Variants in SP3 observed in about 807,000 individuals in gnomAD.
SP3 encodes Sp3 transcription factor, also known as transcription factor Sp3.
In SP3, 10 loss-of-function variants were observed where a neutral mutation model predicts 70.3. The ratio of observed to expected loss-of-function variants is 0.14; its 90% CI spans 0.09 to 0.24. SP3 has a LOEUF of 0.24. SP3 is among the 10% of genes least tolerant of loss of function. The pLI is 1.00. For synonymous variants in SP3, 402 were observed against 333.5 expected (o/e 1.21, Z -2.24); for missense variants, 825 against 914.6 (o/e 0.90, Z 1.26).
At position 173,902,933 on chromosome 2, in the gene SP3, T is replaced by C. The variant is rs1403767330; in HGVS notation, c.*7008A>G. Among the ~76,000 whole-genome samples, 13 of 152,218 alleles carry C rather than the reference T, an allele frequency of 8.5e-5. No individual in the cohort carries two copies. Among genetic ancestry groups the C allele is most frequent in the South Asian group, 2.1e-4 (1 of 4,836 alleles). ...TCATTCCTTTCTAAAAGAAAAAATA[T>C]ATAGGTAAAAATAAGACTATAAAAG... On this transcript the variant is annotated 3_prime_UTR_variant, in exon 7 of 7. Coordinates refer to ENST00000310015, the MANE Select transcript of SP3 (RefSeq NM_003111.5).
rs1016479935 is a variant in SP3 at position 173,909,845 on chromosome 2, T to C, written c.*96A>G. On this transcript the variant is annotated 3_prime_UTR_variant, in exon 7 of 7. Transcript: ENST00000310015. ...CAAGTTACTGTCAATCCAAAAATTT[T>C]TGCACATCAATAAAAAGATATCTAA... 26 of 1,222,778 alleles carry C rather than the reference T, an allele frequency of 2.1e-5. 1 individual carries two copies. Among genetic ancestry groups the C allele is most frequent in the Non-Finnish European group, 3.0e-5 (26 of 881,062 alleles). The allele number at this position is 1,222,778 out of a possible 1,614,324, so 75.7% of individuals were successfully genotyped here.
chr2:173,965,179 T>C lies in SP3; in HGVS notation c.-8A>G. 1 of 1,547,292 alleles carries C rather than the reference T, an allele frequency of 6.5e-7. No homozygotes were observed. The highest frequency in any genetic ancestry group is 8.7e-7 in the Non-Finnish European group (1 of 1,145,596). On this transcript the variant is annotated 5_prime_UTR_variant, in exon 1 of 7. Coordinates refer to ENST00000310015, the MANE Select transcript of SP3 (RefSeq NM_003111.5). ...GCTTTACGTACCGGTCATAGTGTGT[T>C]TAGGGCACCTCAGGCGGGGCTCCCC...
At chr2:173,921,802 C>A (rs982575094) in intron 4 of SP3, among the ~76,000 whole-genome samples, 9 of 152,120 alleles carry the variant, frequency 5.9e-5, no homozygotes, top group African/African-American at 2.2e-4. Flanking sequence ...GTGATTGGAT[C>A]ATGGGGGCGG....
At chr2:173,946,410 C>G (rs1200162178) in intron 4 of SP3, among the ~76,000 whole-genome samples, 4 of 151,996 alleles carry the variant, frequency 2.6e-5, no homozygotes, top group African/African-American at 9.6e-5. Flanking sequence ...TCCGGAGTAG[C>G]TGGAACTAAA....
chr2:173,919,186 A>T (rs1012744070), intron 4 of SP3, among the ~76,000 whole-genome samples: 1 of 152,188 alleles, frequency 6.6e-6, no homozygotes, highest in African/African-American at 2.4e-5. Flanking sequence ...ATAATACATA[A>T]AGAGATGTTA....
chr2:173,921,925 C>T (rs1276910563), intron 4 of SP3, among the ~76,000 whole-genome samples: 1 of 152,188 alleles, frequency 6.6e-6, no homozygotes, highest in African/African-American at 2.4e-5. Flanking sequence ...TCTCTCACCT[C>T]CCTCTACTTC....
chr2:173,945,987 C>T (rs1393372705), intron 4 of SP3, among the ~76,000 whole-genome samples: 1 of 152,028 alleles, frequency 6.6e-6, no homozygotes, highest in Non-Finnish European at 1.5e-5. Flanking sequence ...ATTAGCCAGG[C>T]ATGGTGGCAG....
chr2:173,920,147 T>C (rs539885462), intron 4 of SP3, among the ~76,000 whole-genome samples: 3 of 152,098 alleles, frequency 2.0e-5, no homozygotes, highest in Non-Finnish European at 4.4e-5. Context: ...ATGATATTTA[T>C]ATAAAGAAAT....
At position 173,910,951 on chromosome 2, in the gene SP3, G is replaced by C. The variant is rs112425517; in HGVS notation, c.2030-694C>G. Reference sequence around the variant, plus strand: ...ATTATGTTGAAGACCGACTCTGCAAGATTACCAAAAGAGAAGACAAAAGGC... The same window carrying C: ...ATTATGTTGAAGACCGACTCTGCAACATTACCAAAAGAGAAGACAAAAGGC... On this transcript the variant is annotated intron_variant, in intron 6 of 6. Coordinates refer to ENST00000310015, the MANE Select transcript of SP3 (RefSeq NM_003111.5). 1.1e-3 allele frequency among the ~76,000 whole-genome samples: 175 copies of C among 152,186 alleles called. 3 individuals carry two copies. Among genetic ancestry groups the C allele is most frequent in the African/African-American group, 4.0e-3 (167 of 41,564 alleles).
At chr2:173,960,926 A>C (rs1185131670) in intron 3 of SP3, among the ~76,000 whole-genome samples, 1 of 152,188 alleles carries the variant, frequency 6.6e-6, no homozygotes, top group Non-Finnish European at 1.5e-5. Flanking sequence ...CAGTGAGCCG[A>C]GATCGCGCCA....
intron 2 of SP3, chr2:173,964,084 C>G: frequency 2.8e-6 from 1 of 356,108 alleles, no homozygotes; most frequent in Non-Finnish European, 5.0e-6. Flanking sequence ...CTCCAAGCAC[C>G]CCGGCTCCCC....
At position 173,905,018 on chromosome 2, in the gene SP3, A is replaced by G. The variant is rs575032464; in HGVS notation, c.*4923T>C. ...GGATAGACTCTTACACAGGGGTGTA[A>G]TTTCCTCAAGAAAATACACATTTAG... On this transcript the variant is annotated 3_prime_UTR_variant, in exon 7 of 7. Transcript: ENST00000310015. Among the ~76,000 whole-genome samples, 1 of 152,242 alleles carries G rather than the reference A, an allele frequency of 6.6e-6. No individual in the cohort carries two copies. The highest frequency in any genetic ancestry group is 1.9e-4 in the East Asian group (1 of 5,176).
chr2:173,945,255 A>G (rs904885094), intron 4 of SP3, among the ~76,000 whole-genome samples: 1 of 152,168 alleles, frequency 6.6e-6, no homozygotes, highest in Non-Finnish European at 1.5e-5. Flanking sequence ...TAGATCTTCT[A>G]GTCTAAGAAA....
At chr2:173,912,281 G>A (rs1468570260) in intron 6 of SP3, among the ~76,000 whole-genome samples, 1 of 152,224 alleles carries the variant, frequency 6.6e-6, no homozygotes, top group Non-Finnish European at 1.5e-5. Flanking sequence ...AGTAGGATAT[G>A]TGAAGCAACG....
intron 3 of SP3, chr2:173,963,052 G>A (rs578167261): frequency 1.3e-5 from 2 of 152,218 alleles, no homozygotes; most frequent in Admixed American, 1.3e-4. Flanking sequence ...TAGTATGCAC[G>A]TAAATACAAT....
intron 3 of SP3, among the ~76,000 whole-genome samples, chr2:173,960,664 A>G (rs1691039879): frequency 6.6e-6 from 1 of 152,238 alleles, no homozygotes; most frequent in Non-Finnish European, 1.5e-5. Context: ...TCAAGCAATC[A>G]CTTTCATAAT....
At chr2:173,923,452 A>G (rs1385287861) in intron 4 of SP3, among the ~76,000 whole-genome samples, 1 of 152,134 alleles carries the variant, frequency 6.6e-6, no homozygotes, top group Admixed American at 6.5e-5. Context: ...GCATGCCTAG[A>G]TTTCTATTAA....
intron 4 of SP3, 130 bp downstream of exon 4, chr2:173,954,743 C>T: frequency 2.4e-6 from 2 of 836,426 alleles, no homozygotes; most frequent in East Asian, 2.5e-5. Flanking sequence ...TTCATACAAA[C>T]ATATTTTCAT....
At chr2:173,952,449 A>G (rs1386440125) in intron 4 of SP3, among the ~76,000 whole-genome samples, 1 of 152,200 alleles carries the variant, frequency 6.6e-6, no homozygotes, top group African/African-American at 2.4e-5. Context: ...TGGTGGCGCT[A>G]GAGAGAAATT....
Sources: gnomAD v4.1 joint callset for allele counts (sites outside exome capture counted in the v4.1 genomes callset) on GRCh38, gnomAD v4.1.1 for gene constraint, MANE v1.5 for transcripts, NCBI Gene and HGNC (gene_info 2026-07-23, HGNC 2026-07-21) for gene names.